The following RGS20 variants were observed in gnomAD, a reference collection of about 807,000 sequenced individuals.
RGS20 encodes regulator of G protein signaling 20, also known as gz-selective GTPase-activating protein.
Under a neutral mutation model 33.6 loss-of-function variants are expected in RGS20, and 30 were observed. That is an observed-to-expected ratio of 0.89 (90% CI 0.67 to 1.21). The LOEUF is 1.21. RGS20 is among the 50% of genes most tolerant of loss of function. RGS20 has a pLI of 0.00. For synonymous variants in RGS20, 208 were observed against 197.9 expected (o/e 1.05, Z -0.43); for missense variants, 472 against 502.4 (o/e 0.94, Z 0.58).
At chr8:53,954,768 A>T (rs963068369) in intron 5 of RGS20, among the ~76,000 whole-genome samples, 1 of 147,970 alleles carries the variant, frequency 6.8e-6, no homozygotes, top group Admixed American at 6.7e-5. Flanking sequence ...GCTCACTGCA[A>T]CTTCTGCCTC....
At position 53,920,131 on chromosome 8, in the gene RGS20, T is replaced by C. The variant is rs112434839; in HGVS notation, c.511-19445T>C. Among the ~76,000 whole-genome samples, 1,354 of 152,284 alleles carry C rather than the reference T, an allele frequency of 8.9e-3. 21 individuals are homozygous for C. Among genetic ancestry groups the C allele is most frequent in the African/African-American group, 0.031 (1,282 of 41,546 alleles). ...CTCAAGTGATCCACCCACCTCAGCC[T>C]CCCAAAGTGCTGGAATTATAGATGT... is the stretch of plus-strand genomic sequence containing the variant. On this transcript the variant is annotated intron_variant, in intron 2 of 5. Transcript: ENST00000297313.
chr8:53,890,225 G>C (rs1437380322), intron 2 of RGS20, among the ~76,000 whole-genome samples: 2 of 152,056 alleles, frequency 1.3e-5, no homozygotes, highest in Non-Finnish European at 2.9e-5. Flanking sequence ...GTCTTCCTCT[G>C]TGCCTGAGTC....
chr8:53,928,264 T>G (rs982420393), intron 2 of RGS20, among the ~76,000 whole-genome samples: 1 of 152,168 alleles, frequency 6.6e-6, no homozygotes, highest in Non-Finnish European at 1.5e-5. Context: ...GGCTCTTGCA[T>G]TTCTCCACAG....
At chr8:53,889,454 G>C in intron 2 of RGS20, among the ~76,000 whole-genome samples, 1 of 33,000 alleles carries the variant, frequency 3.0e-5, no homozygotes, top group African/African-American at 7.0e-5. Flanking sequence ...TTTTTTTTGA[G>C]ACAGGGTCTC....
chr8:53,883,160 T>TC (rs200288329), intron 2 of RGS20, among the ~76,000 whole-genome samples: 11,061 of 151,928 alleles, frequency 0.073, 884 homozygotes, highest in East Asian at 0.32. Flanking sequence ...TTTCTTTCTT[T>TC]TTTTTTTTTC....
chr8:53,868,193 A>G (rs1181726360), intron 1 of RGS20, among the ~76,000 whole-genome samples: 1 of 152,170 alleles, frequency 6.6e-6, no homozygotes, highest in Non-Finnish European at 1.5e-5. Context: ...TTGAATTCCT[A>G]TTTGCTGAGG....
At chr8:53,875,091 C>T (rs768905535) in intron 1 of RGS20, among the ~76,000 whole-genome samples, 1 of 152,102 alleles carries the variant, frequency 6.6e-6, no homozygotes, top group Admixed American at 6.6e-5. Context: ...GGAGAAAGCT[C>T]GGAGAAGAAT....
intron 2 of RGS20, among the ~76,000 whole-genome samples, chr8:53,917,137 G>T (rs986420512): frequency 6.7e-6 from 1 of 148,978 alleles, no homozygotes; most frequent in South Asian, 2.1e-4. Flanking sequence ...TGTTTGGTTG[G>T]TTTTTTGTTT....
At chr8:53,954,014 G>T in intron 4 of RGS20, 62 bp from the exon 4 acceptor site, 1 of 1,101,608 alleles carries the variant, frequency 9.1e-7, no homozygotes. Context: ...TCCTAATGAT[G>T]AATTCCAATT....
intron 1 of RGS20, among the ~76,000 whole-genome samples, chr8:53,857,899 C>CA (rs200825515): frequency 3.1e-4 from 44 of 143,586 alleles, no homozygotes; most frequent in African/African-American, 5.6e-4. Context: ...TGTCTCATCA[C>CA]AAAAAAAAAA....
intron 2 of RGS20, among the ~76,000 whole-genome samples, chr8:53,909,553 C>T (rs1813297839): frequency 6.6e-6 from 1 of 151,674 alleles, no homozygotes; most frequent in Non-Finnish European, 1.5e-5. Flanking sequence ...CACACCCAGC[C>T]CCTTATGCTA....
chr8:53,897,846 A>G (rs1812910950), intron 2 of RGS20, among the ~76,000 whole-genome samples: 1 of 152,244 alleles, frequency 6.6e-6, no homozygotes. Context: ...AATGTCTGCA[A>G]AATTGGCTCG....
chr8:53,906,096 G>A (rs951075935), intron 2 of RGS20, among the ~76,000 whole-genome samples: 1 of 152,126 alleles, frequency 6.6e-6, no homozygotes, highest in Admixed American at 6.5e-5. Context: ...TTAAGACCAA[G>A]TATTTAAGAC....
intron 2 of RGS20, among the ~76,000 whole-genome samples, chr8:53,915,365 A>G (rs1207713246): frequency 1.3e-5 from 2 of 152,010 alleles, no homozygotes; most frequent in African/African-American, 4.8e-5. Flanking sequence ...GGTCAATGGG[A>G]GTTCAGACCA....
chr8:53,930,553 T>C (rs1248308669), intron 2 of RGS20, among the ~76,000 whole-genome samples: 1 of 152,206 alleles, frequency 6.6e-6, no homozygotes, highest in Non-Finnish European at 1.5e-5. Flanking sequence ...TTTTGTTTTT[T>C]GTTTTTTGTT....
intron 1 of RGS20, among the ~76,000 whole-genome samples, chr8:53,861,138 G>T (rs1370788434): frequency 6.6e-6 from 1 of 152,136 alleles, no homozygotes; most frequent in Non-Finnish European, 1.5e-5. Context: ...TTTGAGGCCT[G>T]GCATTTTTAT....
chr8:53,861,369 C>T (rs1293554366), intron 1 of RGS20, among the ~76,000 whole-genome samples: 2 of 152,102 alleles, frequency 1.3e-5, no homozygotes, highest in South Asian at 2.1e-4. Context: ...TGTGGGTCAT[C>T]GGATAAACAC....
At chr8:53,901,821 G>C (rs61252529) in intron 2 of RGS20, among the ~76,000 whole-genome samples, 1 of 152,208 alleles carries the variant, frequency 6.6e-6, no homozygotes, top group African/African-American at 2.4e-5. Context: ...AATAGCCACT[G>C]CACTCCACTG....
chr8:53,865,016 G>A (rs1339645826), intron 1 of RGS20, among the ~76,000 whole-genome samples: 1 of 152,216 alleles, frequency 6.6e-6, no homozygotes, highest in East Asian at 1.9e-4. Context: ...AGCCAGGCCA[G>A]AGGAGGGAGA....
Sources: gnomAD v4.1 joint callset for allele counts (sites outside exome capture counted in the v4.1 genomes callset) on GRCh38, gnomAD v4.1.1 for gene constraint, MANE v1.5 for transcripts, NCBI Gene and HGNC (gene_info 2026-07-23, HGNC 2026-07-21) for gene names.